DMRT3: variants seen among roughly 807,000 people sequenced by gnomAD.
DMRT3 encodes doublesex and mab-3 related transcription factor 3, also known as doublesex- and mab-3-related transcription factor 3.
DMRT3 carries 29 observed loss-of-function variants against 34.9 expected under a neutral mutation model. The observed-to-expected ratio is 0.83, with a 90% confidence interval of 0.62 to 1.13. DMRT3 has a LOEUF of 1.13. DMRT3 is among the 50% of genes most tolerant of loss of function. DMRT3 has a pLI of 0.00. For missense variants in DMRT3, 772 were observed against 629.1 expected (o/e 1.23, Z -2.43); for synonymous variants, 350 against 286.0 (o/e 1.22, Z -2.26).
chr9:991,068 G>A lies in DMRT3; in HGVS notation c.*63G>A. On this transcript the variant is annotated 3_prime_UTR_variant, in exon 2 of 2. Transcript: ENST00000190165. ...TGTGCGTTTTGACCCTGAGGCATCT[G>A]AGGAGAGGCCACATCTTGTGTATGC... The A allele has an allele frequency of 6.5e-7, 1 of 1,547,782 alleles. No individual in the cohort carries two copies. The highest frequency in any genetic ancestry group is 8.7e-7 in the Non-Finnish European group (1 of 1,144,982).
At position 990,113 on chromosome 9, in the gene DMRT3, ACC is replaced by A; in HGVS notation, c.528_529del (p.Asp176GlufsTer11). On this transcript the variant is annotated frameshift_variant, in exon 2 of 2. Transcript: ENST00000190165. LOFTEE classifies it high-confidence loss of function. Reference sequence around the variant, plus strand: ...GAGGTCTTCAGTGACAAAGACACTGACCAGAGGAGTTCCCCAGATGTGGCAAA... The same window carrying A: ...GAGGTCTTCAGTGACAAAGACACTGAAGAGGAGTTCCCCAGATGTGGCAAA... The A allele has an allele frequency of 1.9e-6, 3 of 1,614,060 alleles. No homozygotes were observed. The highest frequency in any genetic ancestry group is 2.5e-6 in the Non-Finnish European group (3 of 1,180,018).
intron 1 of DMRT3, 138 bp from the exon 2 acceptor site, chr9:989,902 TA>T (rs1304306694): frequency 1.2e-5 from 14 of 1,134,726 alleles, no homozygotes; most frequent in Non-Finnish European, 1.7e-5. Context: ...CGAATTTTTT[TA>T]AAAAGGCTTG....
intron 1 of DMRT3, among the ~76,000 whole-genome samples, chr9:981,126 T>C (rs144148036): frequency 1.3e-5 from 2 of 152,222 alleles, no homozygotes; most frequent in African/African-American, 2.4e-5. Context: ...AAGATAACTA[T>C]AGGGGGAGAA....
chr9:980,915 C>T (rs1272961701), intron 1 of DMRT3, among the ~76,000 whole-genome samples: 3 of 152,198 alleles, frequency 2.0e-5, no homozygotes, highest in East Asian at 3.9e-4. Context: ...GACTGTGGTG[C>T]GATGAGAAGA....
At chr9:984,209 C>T (rs1457624659) in intron 1 of DMRT3, among the ~76,000 whole-genome samples, 1 of 152,076 alleles carries the variant, frequency 6.6e-6, no homozygotes, top group African/African-American at 2.4e-5. Context: ...CCATCAAGGA[C>T]CTGTTATTTA....
At chr9:981,918 C>T (rs1024793394) in intron 1 of DMRT3, among the ~76,000 whole-genome samples, 2 of 152,218 alleles carry the variant, frequency 1.3e-5, no homozygotes, top group South Asian at 2.1e-4. Flanking sequence ...CTTTCCCTTG[C>T]CCAGCTCTTG....
chr9:979,986 C>T (rs1481653211), intron 1 of DMRT3, among the ~76,000 whole-genome samples: 1 of 152,246 alleles, frequency 6.6e-6, no homozygotes, highest in Admixed American at 6.5e-5. Context: ...CTTTCAATAT[C>T]TGCTGGCAAT....
At chr9:981,678 T>C (rs1391165919) in intron 1 of DMRT3, among the ~76,000 whole-genome samples, 2 of 152,120 alleles carry the variant, frequency 1.3e-5, no homozygotes, top group African/African-American at 4.8e-5. Flanking sequence ...TTGCGGCAGC[T>C]GGCCCAGGAC....
chr9:979,501 G>T (rs111872162), intron 1 of DMRT3, among the ~76,000 whole-genome samples: 2 of 152,022 alleles, frequency 1.3e-5, no homozygotes, highest in African/African-American at 2.4e-5. Flanking sequence ...AGGGACCAAG[G>T]GCTCAGTTTC....
At position 990,158 on chromosome 9, in the gene DMRT3, C is replaced by T. The variant is rs374084588; in HGVS notation, c.572C>T (p.Thr191Ile). The T allele has an allele frequency of 1.4e-5, 22 of 1,614,044 alleles. No individual in the cohort carries two copies. The highest frequency in any genetic ancestry group is 1.6e-4 in the Middle Eastern group (1 of 6,062). The change falls in exon 2 of 2, where the codon ACC becomes ATC. Residue 191 changes from threonine (T) to isoleucine (I), a missense_variant. Thr to Ile is a moderately conservative substitution (Grantham distance 89, BLOSUM62 -1). Coordinates refer to ENST00000190165, the MANE Select transcript of DMRT3 (RefSeq NM_021240.4). ...PDVAKSKGCFTPESPEIVSVE... is the reference protein window; with the variant it reads ...PDVAKSKGCFIPESPEIVSVE... ...GTGGCAAAGAGTAAGGGCTGCTTCA[C>T]CCCTGAGAGCCCTGAGATAGTGTCC...
At chr9:987,861 A>C (rs1309170691) in intron 1 of DMRT3, among the ~76,000 whole-genome samples, 1 of 152,208 alleles carries the variant, frequency 6.6e-6, no homozygotes, top group Non-Finnish European at 1.5e-5. Flanking sequence ...CCAATTTCTA[A>C]AAGTGATAGT....
chr9:981,688 C>G (rs942284047), intron 1 of DMRT3, among the ~76,000 whole-genome samples: 1 of 152,180 alleles, frequency 6.6e-6, no homozygotes, highest in Non-Finnish European at 1.5e-5. Flanking sequence ...TGGCCCAGGA[C>G]TGGGACCCTG....
chr9:980,602 G>GTGTA lies in DMRT3; in HGVS notation c.454+3148_454+3149insGTAT, dbSNP rs368709673. Among the ~76,000 whole-genome samples, 7 of 142,192 alleles carry GTGTA rather than the reference G, an allele frequency of 4.9e-5. No individual in the cohort carries two copies. The East Asian group carries it at 1.4e-3, about 28-fold the overall frequency. 93.3% of individuals were successfully genotyped at this position (142,192 alleles called of 152,430 possible). A position where few individuals can be genotyped will look rare whatever the true frequency, so the allele number is the denominator to read the frequency against. ...TCTAATTTAAGCTATATATGTGTGT[G>GTGTA]TATATATATATGTATATATACATAC... On this transcript the variant is annotated intron_variant, in intron 1 of 1. Coordinates refer to ENST00000190165, the MANE Select transcript of DMRT3 (RefSeq NM_021240.4).
At position 987,412 on chromosome 9, in the gene DMRT3, CTGTGTGTGTGTGTGTGTG is replaced by C. The variant is rs6150885; in HGVS notation, c.455-2601_455-2584del. Among the ~76,000 whole-genome samples the C allele has an allele frequency of 1.3e-3, 191 of 149,592 alleles. 1 individual carries two copies. The highest frequency in any genetic ancestry group is 6.9e-3 in the Middle Eastern group (2 of 290). On this transcript the variant is annotated intron_variant, in intron 1 of 1. Coordinates refer to ENST00000190165, the MANE Select transcript of DMRT3 (RefSeq NM_021240.4). ...CTTTTTAAGGCTGAATAATATCCCA[CTGTGTGTGTGTGTGTGTG>C]TGTGTGTGTGTGTGTGTGTGTGTGT... is the stretch of plus-strand genomic sequence containing the variant.
At position 990,619 on chromosome 9, in the gene DMRT3, G is replaced by A. The variant is rs746000511; in HGVS notation, c.1033G>A (p.Asp345Asn). Residue 345 changes from aspartate (D) to asparagine (N), a missense_variant, in exon 2 of 2, where the codon GAC (aspartate) becomes AAC (asparagine). By Grantham distance (23) the Asp-to-Asn change is conservative. Transcript: ENST00000190165. ...RVPDTLRFSA[D>N]SSNVVPSPLA... ...CCCAGACACGTTGAGGTTTTCTGCCGACTCTAGCAACGTTGTCCCCAGTCC... is the reference window on the plus strand; with the variant it reads ...CCCAGACACGTTGAGGTTTTCTGCCAACTCTAGCAACGTTGTCCCCAGTCC... The A allele has an allele frequency of 2.8e-5, 45 of 1,613,942 alleles. 1 individual carries two copies. The highest frequency in any genetic ancestry group is 1.0e-4 in the Admixed American group (6 of 59,988).
At chr9:986,090 T>C (rs1820279550) in intron 1 of DMRT3, among the ~76,000 whole-genome samples, 2 of 152,168 alleles carry the variant, frequency 1.3e-5, no homozygotes, top group Non-Finnish European at 2.9e-5. Flanking sequence ...TAACCAGAAG[T>C]GCATGATGCA....
Position 990,152 on chromosome 9 carries a change from G to C in DMRT3, c.566G>C (p.Cys189Ser). Residue 189 changes from cysteine (C) to serine (S), a missense_variant, in exon 2 of 2, where the codon TGC (cysteine) becomes TCC (serine). Physicochemically the swap from Cys to Ser is moderately radical, Grantham distance 112. Coordinates refer to ENST00000190165, the MANE Select transcript of DMRT3 (RefSeq NM_021240.4). ...SSPDVAKSKG[C>S]FTPESPEIVS... ...CCAGATGTGGCAAAGAGTAAGGGCTGCTTCACCCCTGAGAGCCCTGAGATA... is the reference window on the plus strand; with the variant it reads ...CCAGATGTGGCAAAGAGTAAGGGCTCCTTCACCCCTGAGAGCCCTGAGATA... The C allele has an allele frequency of 6.2e-7, 1 of 1,614,062 alleles. No individual in the cohort carries two copies. The highest frequency in any genetic ancestry group is 8.5e-7 in the Non-Finnish European group (1 of 1,180,004).
Position 976,850 on chromosome 9 carries a change from G to A in DMRT3, c.-152G>A. 1.3e-6 allele frequency: 1 copy of A among 756,264 alleles called. No individual in the cohort carries two copies. The highest frequency in any genetic ancestry group is 1.9e-6 in the Non-Finnish European group (1 of 538,680). 46.8% of individuals were successfully genotyped at this position (756,264 alleles called of 1,614,324 possible). ...TGGAGAGACGACTGCGGCACCTCCG[G>A]CCGCCCCGGAGCACACACGACCACC... On this transcript the variant is annotated 5_prime_UTR_variant, in exon 1 of 2. Coordinates refer to ENST00000190165, the MANE Select transcript of DMRT3 (RefSeq NM_021240.4). This position sits in a 1 kb window ranked among gnomAD's most constrained non-coding sequence, Gnocchi z 4.5.
intron 1 of DMRT3, 110 bp downstream of exon 1, chr9:977,565 G>T (rs956111231): frequency 1.9e-6 from 2 of 1,034,792 alleles, no homozygotes; most frequent in Admixed American, 9.6e-5. Flanking sequence ...ACGTGGGCCT[G>T]TCGGGGCTTT....
Sources: allele counts gnomAD v4.1 joint callset (sites outside exome capture counted in the v4.1 genomes callset), GRCh38; gene constraint gnomAD v4.1.1; non-coding constraint Gnocchi (gnomAD v3.1); transcripts MANE v1.5; gene names NCBI Gene and HGNC (gene_info 2026-07-23, HGNC 2026-07-21).